Variants in EIF3H observed in about 807,000 individuals in gnomAD.
The protein encoded by EIF3H is eukaryotic translation initiation factor 3 subunit H, also known as eIF-3-gamma.
A neutral mutation model predicts 44.2 loss-of-function variants in EIF3H; 26 were observed. The observed-to-expected ratio is 0.59, with a 90% CI of 0.43 to 0.82. EIF3H has a LOEUF of 0.82. Among genes scored for constraint, EIF3H ranks in the 40% least tolerant of loss-of-function variants. The pLI is 0.00. For synonymous variants in EIF3H, 166 were observed against 151.9 expected (o/e 1.09, Z -0.68); for missense variants, 359 against 432.8 (o/e 0.83, Z 1.51).
At chr8:116,694,655 C>T (rs1053085366) in intron 2 of EIF3H, among the ~76,000 whole-genome samples, 54 of 152,200 alleles carry the variant, frequency 3.5e-4, no homozygotes, top group African/African-American at 1.2e-3. Flanking sequence ...TAGTCTCACA[C>T]TGCGGTGAAA....
chr8:116,760,132 G>A (rs1474966844), upstream of EIF3H, among the ~76,000 whole-genome samples: 3 of 152,194 alleles, frequency 2.0e-5, no homozygotes, highest in Non-Finnish European at 4.4e-5. Context: ...AAAGACTACA[G>A]TTTCATTACT....
chr8:116,742,347 G>A (rs1431420810), intron 1 of EIF3H, among the ~76,000 whole-genome samples: 1 of 152,276 alleles, frequency 6.6e-6, no homozygotes, highest in South Asian at 2.1e-4. Context: ...TTAGTCACAT[G>A]TAAGTATAAT....
chr8:116,742,446 T>A (rs1222269841), intron 1 of EIF3H, among the ~76,000 whole-genome samples: 2 of 152,214 alleles, frequency 1.3e-5, no homozygotes, highest in Non-Finnish European at 2.9e-5. Context: ...ACCAATTCAA[T>A]ATATATAACC....
chr8:116,717,035 T>C (rs1392260556), intron 2 of EIF3H, among the ~76,000 whole-genome samples: 1 of 152,082 alleles, frequency 6.6e-6, no homozygotes, highest in African/African-American at 2.4e-5. Flanking sequence ...CAGTAAGAAA[T>C]GCAATGGGTC....
chr8:116,672,504 T>A (rs143626431), intron 2 of EIF3H, among the ~76,000 whole-genome samples: 143 of 152,140 alleles, frequency 9.4e-4, no homozygotes, highest in Admixed American at 1.6e-3. Flanking sequence ...TCCTAGCTAT[T>A]CAGGAGAAGG....
chr8:116,721,397 C>A (rs1814743574), intron 2 of EIF3H, among the ~76,000 whole-genome samples: 1 of 152,190 alleles, frequency 6.6e-6, no homozygotes, highest in Non-Finnish European at 1.5e-5. Flanking sequence ...AGGGGCAGGG[C>A]CCTCATGTAG....
chr8:116,682,057 A>G (rs965769464), intron 2 of EIF3H, among the ~76,000 whole-genome samples: 4 of 152,196 alleles, frequency 2.6e-5, no homozygotes, highest in Non-Finnish European at 4.4e-5. Context: ...GAAAATCATA[A>G]TGTCAATAGC....
At chr8:116,650,082 G>C (rs1813363617) in intron 5 of EIF3H, among the ~76,000 whole-genome samples, 2 of 152,318 alleles carry the variant, frequency 1.3e-5, no homozygotes, top group South Asian at 4.1e-4. Flanking sequence ...GTAGTTTGTT[G>C]TGAATGAGAC....
rs1465586384 is a variant in EIF3H at position 116,658,871 on chromosome 8, G to A, written c.399C>T (p.Leu133=). ...TYYGSFVTRA[L]LDSQFSYQHA... is the part of the protein sequence containing the mutation. Reference sequence around the variant, plus strand: ...GCTGGTAACTAAACTGAGAGTCCAGGAGTGCCCGGGTAACGAATGAGCCAT... The same window carrying A: ...GCTGGTAACTAAACTGAGAGTCCAGAAGTGCCCGGGTAACGAATGAGCCAT... The change falls in exon 3 of 8, where the codon CTC becomes CTT. Residue 133 remains leucine, a synonymous_variant. Transcript: ENST00000521861. 5.0e-6 allele frequency: 8 copies of A among 1,613,814 alleles called. No homozygotes were observed. Among genetic ancestry groups the A allele is most frequent in the Non-Finnish European group, 5.9e-6 (7 of 1,179,862 alleles).
rs530909929 is a variant in EIF3H, at chr8:116,697,180, G to A, written c.289+28836C>T. ...CTCCCAAACCTGTGCCTCTTCTCCTGTGTGTGCTTGTCCCTTTTTCCAGGG... is the reference window on the plus strand; with the variant it reads ...CTCCCAAACCTGTGCCTCTTCTCCTATGTGTGCTTGTCCCTTTTTCCAGGG... On this transcript the variant is annotated intron_variant, in intron 2 of 7. Transcript: ENST00000521861. The A allele has an allele frequency of 7.2e-5, 33 of 456,236 alleles. No individual in the cohort carries two copies. The Middle Eastern group carries it at 9.8e-4, about 13-fold the overall frequency. The allele number at this position is 456,236 out of a possible 1,614,324, so 28.3% of individuals were successfully genotyped here. A position where few individuals can be genotyped will look rare whatever the true frequency, so the allele number is the denominator to read the frequency against.
intron 1 of EIF3H, among the ~76,000 whole-genome samples, chr8:116,746,724 C>G (rs1220077898): frequency 3.2e-4 from 48 of 152,184 alleles, no homozygotes; most frequent in Admixed American, 3.1e-3. Flanking sequence ...TAAAAAGTTA[C>G]TATTTGTAAG....
intron 2 of EIF3H, among the ~76,000 whole-genome samples, chr8:116,690,280 TATC>T (rs1206698581): frequency 6.6e-6 from 1 of 152,000 alleles, no homozygotes; most frequent in Non-Finnish European, 1.5e-5. Flanking sequence ...AATATAAAAC[TATC>T]AGATTGAAGG....
chr8:116,644,947 G>T lies in EIF3H; in HGVS notation c.*59C>A. The T allele has an allele frequency of 7.6e-7, 1 of 1,307,242 alleles. No individual in the cohort carries two copies. The highest frequency in any genetic ancestry group is 1.1e-6 in the Non-Finnish European group (1 of 912,436). 81.0% of individuals were successfully genotyped at this position (1,307,242 alleles called of 1,614,324 possible). A position where few individuals can be genotyped will look rare whatever the true frequency, so the allele number is the denominator to read the frequency against. On this transcript the variant is annotated 3_prime_UTR_variant, in exon 8 of 8. Coordinates refer to ENST00000521861, the MANE Select transcript of EIF3H (RefSeq NM_003756.3). ...ATATGCAAATATATTTCTTCCAAGA[G>T]TTGCCCTGGTGTGACTTCAAGAGTT...
intron 2 of EIF3H, among the ~76,000 whole-genome samples, chr8:116,721,815 G>T (rs921571252): frequency 6.6e-6 from 1 of 152,242 alleles, no homozygotes; most frequent in Non-Finnish European, 1.5e-5. Flanking sequence ...TCTCCCATTT[G>T]AAATAGGTGG....
chr8:116,651,330 A>G (rs758539827), intron 5 of EIF3H, among the ~76,000 whole-genome samples: 3 of 152,228 alleles, frequency 2.0e-5, no homozygotes, highest in Non-Finnish European at 2.9e-5. Flanking sequence ...AGAGGAATGG[A>G]GGGTGACTCC....
At chr8:116,689,033 A>G (rs1279509961) in intron 2 of EIF3H, 2 of 422,712 alleles carry the variant, frequency 4.7e-6, no homozygotes, top group Admixed American at 5.4e-5. Context: ...CATAATAGGC[A>G]AATGTTCAGA....
chr8:116,708,063 CT>C (rs1287112813), intron 2 of EIF3H, among the ~76,000 whole-genome samples: 1 of 152,030 alleles, frequency 6.6e-6, no homozygotes, highest in Non-Finnish European at 1.5e-5. Flanking sequence ...TTATTCAAAT[CT>C]TTTCCTTTTT....
intron 1 of EIF3H, among the ~76,000 whole-genome samples, chr8:116,745,344 T>C (rs145593511): frequency 9.2e-5 from 14 of 152,296 alleles, no homozygotes; most frequent in Non-Finnish European, 1.8e-4. Context: ...TTTATTACAG[T>C]AGGAAGGCCA....
chr8:116,686,937 A>G (rs917526611), intron 2 of EIF3H, among the ~76,000 whole-genome samples: 2 of 152,210 alleles, frequency 1.3e-5, no homozygotes, highest in East Asian at 3.8e-4. Context: ...AAAGCTGGGA[A>G]GGCAGGCCTG....
Sources: allele counts gnomAD v4.1 joint callset (sites outside exome capture counted in the v4.1 genomes callset), GRCh38; gene constraint gnomAD v4.1.1; transcripts MANE v1.5; gene names NCBI Gene and HGNC (gene_info 2026-07-23, HGNC 2026-07-21).